ARHGEF4: variants seen among roughly 807,000 people sequenced by gnomAD.
ARHGEF4 encodes the protein APC-stimulated guanine nucleotide exchange factor 1.
Under a neutral mutation model 162.0 loss-of-function variants are expected in ARHGEF4, and 119 were observed. The observed-to-expected ratio is 0.73, with a 90% CI of 0.63 to 0.86. The LOEUF is 0.86. Ranked by LOEUF, ARHGEF4 falls within the 40% of genes least tolerant of loss-of-function variation. ARHGEF4 has a pLI of 0.00. For missense variants in ARHGEF4, 2,488 were observed against 2,456.0 expected (o/e 1.01, Z -0.28); for synonymous variants, 1,014 against 979.9 (o/e 1.03, Z -0.65).
At chr2:130,977,794 C>G (rs1685856226) in intron 4 of ARHGEF4, among the ~76,000 whole-genome samples, 1 of 151,924 alleles carries the variant, frequency 6.6e-6, no homozygotes, top group African/African-American at 2.4e-5. Flanking sequence ...GTATGTGTCA[C>G]CAGGGGTTTG....
intron 1 of ARHGEF4, among the ~76,000 whole-genome samples, chr2:130,859,113 C>T (rs1681907693): frequency 8.2e-5 from 1 of 12,226 alleles, no homozygotes. Flanking sequence ...TAAATCCGGG[C>T]CAGGCACAGT....
chr2:130,988,901 T>TATAGAGAGAGAG (rs1469212068), intron 4 of ARHGEF4, among the ~76,000 whole-genome samples: 30 of 113,378 alleles, frequency 2.6e-4, no homozygotes, highest in East Asian at 1.4e-3. Context: ...TATATATATA[T>TATAGAGAGAGAG]AGAGAGAGAG....
intron 3 of ARHGEF4, among the ~76,000 whole-genome samples, chr2:130,937,113 G>T (rs1683003636): frequency 6.7e-6 from 1 of 150,326 alleles, no homozygotes; most frequent in African/African-American, 2.4e-5. Flanking sequence ...GTTTCTCCAT[G>T]TTGGTCAGGC....
In ARHGEF4 at chr2:131,023,074, C is replaced by CAAAAAAAAAAAAAAAA. The variant is rs56868632; in HGVS notation, c.3986-4865_3986-4850dup. On this transcript the variant is annotated intron_variant, in intron 4 of 13. Coordinates refer to ENST00000409359, the MANE Select transcript of ARHGEF4 (RefSeq NM_001367493.1). ...TGGGCAACATGGTGAAACCCTGTCTCAAAAAAAAAAAAAAAAAAAAAGAAC... is the reference window on the plus strand; with the variant it reads ...TGGGCAACATGGTGAAACCCTGTCTCAAAAAAAAAAAAAAAAAAAAAAAAAAAAAAAAAAAAAGAAC... Among the ~76,000 whole-genome samples the CAAAAAAAAAAAAAAAA allele has an allele frequency of 1.2e-4, 8 of 66,650 alleles. 3 individuals carry two copies. The highest frequency in any genetic ancestry group is 1.9e-4 in the Non-Finnish European group (7 of 36,328). 43.7% of individuals were successfully genotyped at this position (66,650 alleles called of 152,430 possible). A position where few individuals can be genotyped will look rare whatever the true frequency, so the allele number is the denominator to read the frequency against.
At chr2:130,881,984 G>T (rs950909817) in intron 1 of ARHGEF4, among the ~76,000 whole-genome samples, 2 of 152,090 alleles carry the variant, frequency 1.3e-5, no homozygotes, top group Non-Finnish European at 2.9e-5. Flanking sequence ...ATCAAGAGGG[G>T]CTGGGGTGCA....
In ARHGEF4 at chr2:130,917,305, T is replaced by G. The variant is rs1240090588; in HGVS notation, c.3359T>G (p.Leu1120Arg). 2.6e-6 allele frequency: 4 copies of G among 1,550,516 alleles called. No homozygotes were observed. Among genetic ancestry groups the G allele is most frequent in the East Asian group, 2.4e-5 (1 of 40,894 alleles). ...GGTAGCGCCATCTCCATGGTTTCTCTTGGAAGCTACAGCTACGTGGACAGC... is the reference window on the plus strand; with the variant it reads ...GGTAGCGCCATCTCCATGGTTTCTCGTGGAAGCTACAGCTACGTGGACAGC... ...GRGSAISMVS[L>R]GSYSYVDSSS... The change falls in exon 2 of 14, where the codon CTT (leucine) becomes CGT (arginine). Residue 1120 changes from leucine to arginine, a missense_variant. Physicochemically the swap from Leu to Arg is moderately radical, Grantham distance 102. Coordinates refer to ENST00000409359, the MANE Select transcript of ARHGEF4 (RefSeq NM_001367493.1).
chr2:130,932,494 C>A (rs1682694882), intron 3 of ARHGEF4, among the ~76,000 whole-genome samples: 1 of 152,204 alleles, frequency 6.6e-6, no homozygotes, highest in Non-Finnish European at 1.5e-5. Flanking sequence ...CAGGCATGAG[C>A]CACCGCGCCT....
At chr2:131,040,508 G>T (rs573997851) in intron 8 of ARHGEF4, 68 bp downstream of exon 8, 3 of 1,466,308 alleles carry the variant, frequency 2.0e-6, no homozygotes, top group Middle Eastern at 2.3e-4. Context: ...GCGCCAGCGC[G>T]GACAGCGGGT....
chr2:130,916,345 T>G lies in ARHGEF4; in HGVS notation c.2399T>G (p.Phe800Cys). The G allele has an allele frequency of 6.5e-7, 1 of 1,543,102 alleles. No individual in the cohort carries two copies. The highest frequency in any genetic ancestry group is 8.7e-7 in the Non-Finnish European group (1 of 1,145,368). Residue 800 changes from phenylalanine (F) to cysteine (C), a missense_variant, in exon 2 of 14, where the codon TTC becomes TGC. By Grantham distance (205) the Phe-to-Cys change is radical (BLOSUM62 -2). Coordinates refer to ENST00000409359, the MANE Select transcript of ARHGEF4 (RefSeq NM_001367493.1). The stretch of plus-strand genomic sequence containing the variant: ...CCGACGTTTTCCAAGGTGACCTCCT[T>G]CAGGAAGGGCAGGCCCTTGGCCACT... ...KRPTFSKVTS[F>C]RKGRPLATES...
Position 131,040,287 on chromosome 2 carries a change from C to G in ARHGEF4, c.4509C>G (p.Arg1503=). ...GCTACGTCCGGCAGTGCCGCAAGCGCGCAGACATGTTCAGCGAGGAGCAGC... is the reference window on the plus strand; with the variant it reads ...GCTACGTCCGGCAGTGCCGCAAGCGGGCAGACATGTTCAGCGAGGAGCAGC... ...CEGYVRQCRK[R]ADMFSEEQLR... is the part of the protein sequence containing the mutation. The change falls in exon 8 of 14, where the codon CGC becomes CGG. Residue 1503 remains arginine, a synonymous_variant. Coordinates refer to ENST00000409359, the MANE Select transcript of ARHGEF4 (RefSeq NM_001367493.1). 1.9e-6 allele frequency: 3 copies of G among 1,612,996 alleles called. No individual in the cohort carries two copies. Among genetic ancestry groups the G allele is most frequent in the East Asian group, 2.2e-5 (1 of 44,856 alleles).
chr2:131,020,299 A>G (rs932098469), intron 4 of ARHGEF4, among the ~76,000 whole-genome samples: 8 of 149,212 alleles, frequency 5.4e-5, no homozygotes, highest in South Asian at 2.2e-4. Flanking sequence ...TTAACTCTTC[A>G]TTTAACATTA....
chr2:130,998,983 G>A (rs1485935606), intron 4 of ARHGEF4, among the ~76,000 whole-genome samples: 1 of 152,252 alleles, frequency 6.6e-6, no homozygotes, highest in East Asian at 1.9e-4. Flanking sequence ...AATTGGGGTT[G>A]TCTGTGTTTT....
intron 4 of ARHGEF4, among the ~76,000 whole-genome samples, chr2:131,009,483 T>C (rs1688320011): frequency 6.6e-6 from 1 of 152,176 alleles, no homozygotes; most frequent in Non-Finnish European, 1.5e-5. Flanking sequence ...CACTCTCTCC[T>C]CATGTATGTT....
intron 1 of ARHGEF4, among the ~76,000 whole-genome samples, chr2:130,840,747 C>T (rs1680548520): frequency 1.3e-5 from 2 of 152,216 alleles, no homozygotes; most frequent in South Asian, 4.1e-4. Flanking sequence ...GCAAGCGTCA[C>T]TCCTGGTGGC....
chr2:130,902,611 AAAG>A (rs1303452159), intron 1 of ARHGEF4, among the ~76,000 whole-genome samples: 1 of 151,682 alleles, frequency 6.6e-6, no homozygotes, highest in Non-Finnish European at 1.5e-5. Flanking sequence ...AAAGGAAAGA[AAAG>A]AAGAAAAGAG....
chr2:131,035,245 C>T (rs1690172332), intron 5 of ARHGEF4: 2 of 1,224,370 alleles, frequency 1.6e-6, no homozygotes, highest in Non-Finnish European at 2.0e-6. Flanking sequence ...ACTGATCTTC[C>T]TGCTGGCCTT....
At chr2:130,956,530 T>C (rs1435674675) in intron 4 of ARHGEF4, among the ~76,000 whole-genome samples, 1 of 150,480 alleles carries the variant, frequency 6.6e-6, no homozygotes, top group East Asian at 1.9e-4. Flanking sequence ...CGTATGTTTA[T>C]TGCGGCACTA....
chr2:130,855,310 C>A (rs1030033952), intron 1 of ARHGEF4, among the ~76,000 whole-genome samples: 3 of 152,166 alleles, frequency 2.0e-5, no homozygotes, highest in Non-Finnish European at 4.4e-5. Context: ...ACCAAGACCA[C>A]TGTGAGGCTT....
intron 4 of ARHGEF4, among the ~76,000 whole-genome samples, chr2:130,978,000 G>A (rs919269303): frequency 6.6e-6 from 1 of 152,206 alleles, no homozygotes; most frequent in African/African-American, 2.4e-5. Context: ...TAGGGCCTAG[G>A]GAGGGGCAAG....
Sources: allele counts gnomAD v4.1 joint callset (sites outside exome capture counted in the v4.1 genomes callset), GRCh38; gene constraint gnomAD v4.1.1; transcripts MANE v1.5; gene names NCBI Gene and HGNC (gene_info 2026-07-23, HGNC 2026-07-21).